The following NR3C2 variants were observed in gnomAD, a reference collection of about 807,000 sequenced individuals.
The protein encoded by NR3C2 is nuclear receptor subfamily 3 group C member 2.
Under a neutral mutation model 86.4 loss-of-function variants are expected in NR3C2, and 15 were observed. The ratio of observed to expected loss-of-function variants is 0.17; its 90% CI spans 0.12 to 0.27. The LOEUF (loss-of-function observed/expected upper bound fraction) is 0.27, where lower values mean the gene tolerates loss of function less well. Ranked by LOEUF, NR3C2 falls within the 10% of genes least tolerant of loss-of-function variation. The pLI is 1.00. For missense variants in NR3C2, 960 were observed against 1,195.6 expected, an observed-to-expected ratio of 0.80 and a Z score of 2.91; for synonymous variants, 458 against 450.5, an observed-to-expected ratio of 1.02 and a Z score of -0.21.
chr4:148,263,177 T>C (rs943164706), intron 2 of NR3C2, among the ~76,000 whole-genome samples: 1 of 152,220 alleles, frequency 6.6e-6, no homozygotes, highest in East Asian at 1.9e-4. Context: ...TTCCAAATCC[T>C]TACAGCCAGC....
intron 2 of NR3C2, among the ~76,000 whole-genome samples, chr4:148,356,928 T>C (rs942985399): frequency 8.0e-6 from 1 of 124,396 alleles, no homozygotes; most frequent in South Asian, 2.9e-4. Flanking sequence ...TGTGTGTGTG[T>C]GTGTGTGTTA....
intron 2 of NR3C2, among the ~76,000 whole-genome samples, chr4:148,397,459 G>C (rs902172499): frequency 2.6e-5 from 4 of 152,232 alleles, no homozygotes; most frequent in African/African-American, 9.7e-5. Context: ...CTGTGCTGTG[G>C]ATAAAATACA....
chr4:148,410,086 T>C (rs1748620798), intron 2 of NR3C2, among the ~76,000 whole-genome samples: 1 of 152,174 alleles, frequency 6.6e-6, no homozygotes, highest in Admixed American at 6.5e-5. Context: ...TTAGGTACCT[T>C]TAAAAAACAA....
At chr4:148,234,385 G>A (rs1738630691) in intron 3 of NR3C2, among the ~76,000 whole-genome samples, 1 of 151,992 alleles carries the variant, frequency 6.6e-6, no homozygotes, top group Non-Finnish European at 1.5e-5. Flanking sequence ...AAAAGGGGAG[G>A]GAGAGGCTGG....
intron 2 of NR3C2, among the ~76,000 whole-genome samples, chr4:148,421,701 A>G (rs951513240): frequency 2.6e-5 from 4 of 152,164 alleles, no homozygotes; most frequent in African/African-American, 9.7e-5. Flanking sequence ...TAAAACTCTC[A>G]GAATACTAGA....
intron 2 of NR3C2, among the ~76,000 whole-genome samples, chr4:148,403,395 A>T (rs1055061208): frequency 6.6e-6 from 1 of 152,092 alleles, no homozygotes; most frequent in Non-Finnish European, 1.5e-5. Context: ...TGGCTTCAAA[A>T]GGAAATTTTC....
intron 4 of NR3C2, among the ~76,000 whole-genome samples, chr4:148,158,232 A>G (rs890016310): frequency 2.0e-5 from 3 of 152,234 alleles, no homozygotes; most frequent in Admixed American, 2.0e-4. Context: ...ATACTCAGCA[A>G]AGTGCCTCAA....
chr4:148,318,512 T>G (rs1236099467), intron 2 of NR3C2, among the ~76,000 whole-genome samples: 1 of 150,784 alleles, frequency 6.6e-6, no homozygotes, highest in Non-Finnish European at 1.5e-5. Flanking sequence ...AGTGTTCCTA[T>G]TTCTCCACAT....
chr4:148,384,980 A>G (rs886295833), intron 2 of NR3C2, among the ~76,000 whole-genome samples: 1 of 152,212 alleles, frequency 6.6e-6, no homozygotes, highest in African/African-American at 2.4e-5. Flanking sequence ...AGTAGAAAGT[A>G]TGTCCTAGAT....
intron 2 of NR3C2, among the ~76,000 whole-genome samples, chr4:148,350,969 A>T (rs1745244897): frequency 6.6e-6 from 1 of 152,182 alleles, no homozygotes; most frequent in Non-Finnish European, 1.5e-5. Flanking sequence ...AATGTTGTTC[A>T]ATAAAATACA....
intron 2 of NR3C2, among the ~76,000 whole-genome samples, chr4:148,275,488 T>C (rs530567562): frequency 6.6e-6 from 1 of 152,056 alleles, no homozygotes; most frequent in Non-Finnish European, 1.5e-5. Context: ...TGGAGTGCAA[T>C]GACGTGATCA....
At chr4:148,444,134 C>T, upstream of NR3C2, 2 of 985,380 alleles carry the variant, frequency 2.0e-6, no homozygotes, top group Non-Finnish European at 2.4e-6. Context: ...CGGGCGGGAG[C>T]AAGGGGAGTC....
chr4:148,284,440 T>A (rs1292600685), intron 2 of NR3C2, among the ~76,000 whole-genome samples: 1 of 152,202 alleles, frequency 6.6e-6, no homozygotes, highest in African/African-American at 2.4e-5. Context: ...CGATAGCTCA[T>A]GACAGTGTCA....
chr4:148,113,977 T>C, intron 8 of NR3C2, 127 bp downstream of exon 8: 1 of 1,117,852 alleles, frequency 8.9e-7, no homozygotes, highest in Non-Finnish European at 1.3e-6. Context: ...CATGGCGATA[T>C]CCTTAATGGA....
At chr4:148,108,337 A>G (rs762695900) in intron 8 of NR3C2, among the ~76,000 whole-genome samples, 9 of 152,076 alleles carry the variant, frequency 5.9e-5, no homozygotes, top group Non-Finnish European at 8.8e-5. Context: ...TCCTCACCTC[A>G]AGTGATCTGC....
Position 148,260,136 on chromosome 4 carries a change from A to T in NR3C2, c.1758-19T>A, listed in dbSNP as rs765618416. 3 of 1,613,876 alleles carry T rather than the reference A, an allele frequency of 1.9e-6. No homozygotes were observed. Among genetic ancestry groups the T allele is most frequent in the South Asian group, 2.2e-5 (2 of 91,066 alleles). On this transcript the variant is annotated intron_variant, in intron 2 of 8. Transcript: ENST00000358102. ...AGTAGAGCTGGGGAAAGAAATTGAG[A>T]TTTAAATAACTACACCGTAAAGGCA... is the stretch of plus-strand genomic sequence containing the variant.
intron 3 of NR3C2, among the ~76,000 whole-genome samples, chr4:148,219,285 G>T (rs1431026548): frequency 6.6e-6 from 1 of 152,090 alleles, no homozygotes; most frequent in East Asian, 1.9e-4. Flanking sequence ...GATTATGCAC[G>T]TCTACTCAAA....
At chr4:148,345,676 C>G (rs981372) in intron 2 of NR3C2, among the ~76,000 whole-genome samples, 151,857 of 151,890 alleles carry the variant, frequency 1, 75,912 homozygotes, top group Non-Finnish European at 1. Flanking sequence ...GCAGAAGCTG[C>G]GATGTTCCAA....
At chr4:148,269,086 C>A (rs1312353570) in intron 2 of NR3C2, among the ~76,000 whole-genome samples, 2 of 152,082 alleles carry the variant, frequency 1.3e-5, no homozygotes, top group Non-Finnish European at 1.5e-5. Flanking sequence ...ACTGACTGAG[C>A]CTACCCAAAA....
Sources: allele counts gnomAD v4.1 joint callset (sites outside exome capture counted in the v4.1 genomes callset), GRCh38; gene constraint gnomAD v4.1.1; transcripts MANE v1.5; gene names NCBI Gene and HGNC (gene_info 2026-07-23, HGNC 2026-07-21).